Variants in COL13A1 observed in about 807,000 individuals in gnomAD.
The protein encoded by COL13A1 is collagen type XIII alpha 1 chain, also known as collagen alpha-1(XIII) chain.
Under a neutral mutation model 130.9 loss-of-function variants are expected in COL13A1, and 89 were observed. The ratio of observed to expected loss-of-function variants is 0.68; its 90% CI spans 0.57 to 0.81. The LOEUF is 0.81. Among genes scored for constraint, COL13A1 ranks in the 30% least tolerant of loss-of-function variants. The pLI is 0.00. For synonymous variants in COL13A1, 402 were observed against 341.6 expected (o/e 1.18, Z -1.95); for missense variants, 879 against 934.6 (o/e 0.94, Z 0.78).
intron 28 of COL13A1, among the ~76,000 whole-genome samples, chr10:69,929,224 G>A (rs536417030): frequency 6.6e-6 from 1 of 151,704 alleles, no homozygotes; most frequent in South Asian, 2.1e-4. Context: ...TTCTGATGCT[G>A]TGGGGCCTGG....
Position 69,947,319 on chromosome 10 carries a change from C to T in COL13A1, c.2035C>T (p.Pro679Ser). Residue 679 changes from proline to serine, a missense_variant, in exon 38 of 41, where the codon CCA becomes TCA. By Grantham distance (74) the Pro-to-Ser change is moderately conservative. Transcript: ENST00000645393. ...TGATCTCTTGCAGGGTTTACATGGA[C>T]CACCCGGGGACAAGGGAAACCGGGT... is the stretch of plus-strand genomic sequence containing the variant. ...GAAGLPGLHG[P>S]PGDKGNRGER... The T allele has an allele frequency of 6.2e-7, 1 of 1,613,090 alleles. No homozygotes were observed. Among genetic ancestry groups the T allele is most frequent in the Non-Finnish European group, 8.5e-7 (1 of 1,179,516 alleles).
At chr10:69,906,817 G>A (rs773498196) in intron 17 of COL13A1, among the ~76,000 whole-genome samples, 115 of 151,822 alleles carry the variant, frequency 7.6e-4, no homozygotes, top group Non-Finnish European at 9.7e-4. Context: ...TGCAACCCCC[G>A]CCTCCCAGGT....
At chr10:69,852,687 G>A (rs1317456235) in intron 2 of COL13A1, among the ~76,000 whole-genome samples, 1 of 152,264 alleles carries the variant, frequency 6.6e-6, no homozygotes, top group African/African-American at 2.4e-5. Flanking sequence ...GGTTGGGATG[G>A]TGGGCTGGGG....
At chr10:69,805,391 A>T (rs982744177) in intron 1 of COL13A1, among the ~76,000 whole-genome samples, 1 of 152,018 alleles carries the variant, frequency 6.6e-6, no homozygotes, top group African/African-American at 2.4e-5. Flanking sequence ...AGAGGAAGGG[A>T]GCTGTCCCAC....
intron 13 of COL13A1, 139 bp from the exon 14 acceptor site, chr10:69,898,558 C>A: frequency 3.2e-6 from 2 of 634,698 alleles, no homozygotes; most frequent in Non-Finnish European, 5.5e-6. Flanking sequence ...TCCTCATGTG[C>A]ACGCTAATCT....
intron 17 of COL13A1, among the ~76,000 whole-genome samples, chr10:69,910,126 C>G (rs2063203817): frequency 6.6e-6 from 1 of 152,142 alleles, no homozygotes; most frequent in African/African-American, 2.4e-5. Flanking sequence ...AGGGCTGTCC[C>G]CCTACCTCCC....
intron 5 of COL13A1, among the ~76,000 whole-genome samples, chr10:69,876,693 G>A (rs939042660): frequency 4.6e-5 from 7 of 152,166 alleles, no homozygotes; most frequent in Admixed American, 1.3e-4. Flanking sequence ...AAGGGCCTGC[G>A]CATGTGGACC....
At chr10:69,858,574 G>T (rs1857109397) in intron 2 of COL13A1, among the ~76,000 whole-genome samples, 1 of 152,194 alleles carries the variant, frequency 6.6e-6, no homozygotes, top group East Asian at 1.9e-4. Flanking sequence ...CATGTGTCTA[G>T]TTGAAGTTCC....
Position 69,923,848 on chromosome 10 carries a change from G to C in COL13A1, c.1277G>C (p.Gly426Ala). The C allele has an allele frequency of 6.2e-7, 1 of 1,611,974 alleles. No individual in the cohort carries two copies. Among genetic ancestry groups the C allele is most frequent in the East Asian group, 2.2e-5 (1 of 44,840 alleles). ...DGQVGPPGQP[G>A]DKGERGAAGE... ...CAGGTTGGCCCCCCAGGGCAGCCAG[G>C]AGACAAGGTACAGAGACCCCCACAT... The change falls in exon 24 of 41, where the codon GGA becomes GCA. Residue 426 changes from glycine (G) to alanine (A), a missense_variant. Physicochemically the swap from Gly to Ala is moderately conservative, Grantham distance 60 (BLOSUM62 0). Coordinates refer to ENST00000645393, the MANE Select transcript of COL13A1 (RefSeq NM_001368882.1).
chr10:69,952,262 CAT>C (rs1380362529), intron 38 of COL13A1, among the ~76,000 whole-genome samples: 9 of 152,232 alleles, frequency 5.9e-5, no homozygotes, highest in African/African-American at 1.9e-4. Context: ...AAGGCACACA[CAT>C]GTGTTCACGT....
chr10:69,878,487 C>CT (rs5785955), intron 6 of COL13A1, among the ~76,000 whole-genome samples: 20,801 of 146,814 alleles, frequency 0.14, 1,645 homozygotes, highest in East Asian at 0.25. Context: ...AGCAACACTT[C>CT]TTTTTTTTTT....
chr10:69,894,568 C>T lies in COL13A1; in HGVS notation c.620C>T (p.Pro207Leu), dbSNP rs1188518565. The change falls in exon 11 of 41, where the codon CCA becomes CTA. Residue 207 changes from proline to leucine, a missense_variant. By Grantham distance (98) the Pro-to-Leu change is moderately conservative. Around this residue, in one of 3 missense-constraint regions of COL13A1, gnomAD observed 715 missense variants for 721.0 expected, o/e 0.99. Transcript: ENST00000645393. ...TTCCCACAGGGTCTGACGGGTCCCC[C>T]AGGACAGCCGGTTGGTACCTCATCC... ...PKGDMGLTGP[P>L]GQPGPQGQKG... 1.2e-6 allele frequency: 2 copies of T among 1,614,010 alleles called. No homozygotes were observed. Among genetic ancestry groups the T allele is most frequent in the East Asian group, 2.2e-5 (1 of 44,864 alleles).
Position 69,936,881 on chromosome 10 carries a change from G to A in COL13A1, c.1797+99G>A, listed in dbSNP as rs1177683808. ...GACCCTTTTTCCTAGAAGGCATTAGGTGACACTCCAGCCAAGGGGGTCCAG... is the reference window on the plus strand; with the variant it reads ...GACCCTTTTTCCTAGAAGGCATTAGATGACACTCCAGCCAAGGGGGTCCAG... On this transcript the variant is annotated intron_variant, in intron 33 of 40. Transcript: ENST00000645393. The A allele has an allele frequency of 2.1e-6, 3 of 1,454,966 alleles. No individual in the cohort carries two copies. In the African/African-American group the frequency reaches 4.2e-5, roughly 20 times the overall value. 90.1% of individuals were successfully genotyped at this position (1,454,966 alleles called of 1,614,324 possible).
chr10:69,872,351 C>A, intron 4 of COL13A1, 141 bp downstream of exon 4: 2 of 961,666 alleles, frequency 2.1e-6, no homozygotes, highest in Non-Finnish European at 3.2e-6. Flanking sequence ...TGATCTATAG[C>A]TTAGGGTGAA....
intron 12 of COL13A1, among the ~76,000 whole-genome samples, chr10:69,895,099 A>G (rs2061510957): frequency 6.6e-6 from 1 of 152,148 alleles, no homozygotes; most frequent in Admixed American, 6.5e-5. Context: ...TGATAGAGAC[A>G]CTGCTGTGCT....
chr10:69,844,220 C>T (rs1273129679), intron 2 of COL13A1, among the ~76,000 whole-genome samples: 2 of 152,168 alleles, frequency 1.3e-5, no homozygotes, highest in Non-Finnish European at 2.9e-5. Flanking sequence ...GTTATCTGTG[C>T]TTGAATGATG....
At chr10:69,947,406 C>A in intron 38 of COL13A1, 64 bp downstream of exon 38, 2 of 1,445,196 alleles carry the variant, frequency 1.4e-6, no homozygotes, top group East Asian at 4.7e-5. Flanking sequence ...GTGGAATGAT[C>A]GATCGGTGAT....
chr10:69,894,562 G>A lies in COL13A1; in HGVS notation c.614G>A (p.Gly205Asp), dbSNP rs1248932521. Residue 205 changes from glycine (G) to aspartate (D), a missense_variant, in exon 11 of 41, where the codon GGT becomes GAT. Gly to Asp is a moderately conservative substitution (Grantham distance 94). Coordinates refer to ENST00000645393, the MANE Select transcript of COL13A1 (RefSeq NM_001368882.1). ...GTTTGCTTCCCACAGGGTCTGACGG[G>A]TCCCCCAGGACAGCCGGTTGGTACC... ...PGPKGDMGLT[G>D]PPGQPGPQGQ... 6.2e-7 allele frequency: 1 copy of A among 1,613,962 alleles called. No individual in the cohort carries two copies. Among genetic ancestry groups the A allele is most frequent in the Admixed American group, 1.7e-5 (1 of 60,026 alleles).
At chr10:69,923,152 T>C (rs1009844302) in intron 23 of COL13A1, among the ~76,000 whole-genome samples, 9 of 152,196 alleles carry the variant, frequency 5.9e-5, no homozygotes, top group African/African-American at 1.7e-4. Context: ...ATGCTGTAAC[T>C]GAGCAAGGGA....
Sources: allele counts gnomAD v4.1 joint callset (sites outside exome capture counted in the v4.1 genomes callset), GRCh38; gene constraint gnomAD v4.1.1; regional missense constraint gnomAD v4.1.1; transcripts MANE v1.5; gene names NCBI Gene and HGNC (gene_info 2026-07-23, HGNC 2026-07-21).